The following KPNA7 variants were observed in gnomAD, a reference collection of about 807,000 sequenced individuals.
KPNA7 encodes the protein importin subunit alpha-8.
KPNA7 carries 54 observed loss-of-function variants against 53.7 expected under a neutral mutation model. The observed-to-expected ratio is 1.01, with a 90% CI of 0.81 to 1.26. The LOEUF (loss-of-function observed/expected upper bound fraction) is 1.26, where lower values mean the gene tolerates loss of function less well. Ranked by LOEUF, KPNA7 falls within the 50% of genes most tolerant of loss-of-function variation. KPNA7 has a pLI of 0.00. For synonymous variants in KPNA7, 276 were observed against 259.3 expected, an observed-to-expected ratio of 1.06 and a Z score of -0.62; for missense variants, 640 against 644.5, an observed-to-expected ratio of 0.99 and a Z score of 0.07.
chr7:99,210,777 G>A (rs1252325772), upstream of KPNA7, among the ~76,000 whole-genome samples: 1 of 151,660 alleles, frequency 6.6e-6, no homozygotes, highest in East Asian at 1.9e-4. Context: ...TGTAGAGATG[G>A]GATCTCACTA....
chr7:99,148,762 AATTTTTTTATTTTTTATACACAC>A, the KPNA7 span, among the ~76,000 whole-genome samples: 1 of 151,846 alleles, frequency 6.6e-6, no homozygotes, highest in African/African-American at 2.4e-5. Context: ...TACCTGGCTA[AATTTTTTTATTTTTTATACACAC>A]AGGGTCTCAC....
At chr7:99,149,153 T>C in the KPNA7 span, among the ~76,000 whole-genome samples, 10 of 152,158 alleles carry the variant, frequency 6.6e-5, no homozygotes, top group Non-Finnish European at 1.3e-4. Flanking sequence ...TCCGCCTGCC[T>C]CTGCCTCCCA....
intron 10 of KPNA7, among the ~76,000 whole-genome samples, chr7:99,175,711 G>A (rs553764982): frequency 9.2e-4 from 139 of 150,558 alleles, no homozygotes; most frequent in African/African-American, 3.3e-3. Flanking sequence ...ACAGGGTTTC[G>A]CCATGTTGGC....
At chr7:99,173,080 A>AAG (rs1554459175), downstream of KPNA7, among the ~76,000 whole-genome samples, 750 of 147,934 alleles carry the variant, frequency 5.1e-3, 4 homozygotes, top group Non-Finnish European at 8.0e-3. Context: ...AAAAAAAAAA[A>AAG]AAAAGAAAAA....
downstream of KPNA7, among the ~76,000 whole-genome samples, chr7:99,170,860 G>T (rs190594356): frequency 5.9e-5 from 9 of 152,296 alleles, no homozygotes; most frequent in Admixed American, 5.2e-4. Context: ...AGAAGATAAT[G>T]ATCGATGCTT....
intron 10 of KPNA7, among the ~76,000 whole-genome samples, chr7:99,176,836 C>T (rs549666363): frequency 2.4e-4 from 37 of 152,122 alleles, no homozygotes; most frequent in African/African-American, 7.7e-4. Context: ...GCAACCATTG[C>T]GGCCATTGCC....
chr7:99,196,228 C>T, intron 3 of KPNA7, 62 bp from the exon 4 acceptor site: 1 of 1,142,716 alleles, frequency 8.8e-7, no homozygotes, highest in South Asian at 1.3e-5. Flanking sequence ...ACATCACCTA[C>T]TCTAGCCATC....
At chr7:99,206,258 T>C (rs1402326117) in intron 2 of KPNA7, among the ~76,000 whole-genome samples, 1 of 152,060 alleles carries the variant, frequency 6.6e-6, no homozygotes, top group Non-Finnish European at 1.5e-5. Context: ...CCTCCCAGGT[T>C]CAAGCAGTTC....
intron 9 of KPNA7, among the ~76,000 whole-genome samples, chr7:99,179,340 T>C (rs1414986815): frequency 6.6e-6 from 1 of 151,896 alleles, no homozygotes; most frequent in Non-Finnish European, 1.5e-5. Flanking sequence ...GAGGATCACT[T>C]GAGCCCAGGA....
chr7:99,178,798 A>AG (rs1799028879), intron 9 of KPNA7, among the ~76,000 whole-genome samples: 1 of 142,496 alleles, frequency 7.0e-6, no homozygotes, highest in African/African-American at 2.8e-5. Context: ...AAAAAAAAAA[A>AG]AAAAAAAAGA....
the KPNA7 span, among the ~76,000 whole-genome samples, chr7:99,154,177 G>A: frequency 6.7e-6 from 1 of 149,234 alleles, no homozygotes; most frequent in South Asian, 2.1e-4. Flanking sequence ...CACCCAGGCT[G>A]GAGTGCAGTG....
intron 1 of KPNA7, among the ~76,000 whole-genome samples, chr7:99,217,070 G>T (rs1791236628): frequency 6.6e-6 from 1 of 152,106 alleles, no homozygotes; most frequent in African/African-American, 2.4e-5. Flanking sequence ...TCCAAGAGTT[G>T]GCTTCTACAA....
chr7:99,163,359 G>GTA, the KPNA7 span, among the ~76,000 whole-genome samples: 858 of 66,282 alleles, frequency 0.013, 47 homozygotes, highest in Non-Finnish European at 0.016. Context: ...ATGAGTGTGT[G>GTA]TATATATATA....
At chr7:99,148,986 C>T in the KPNA7 span, among the ~76,000 whole-genome samples, 5 of 150,950 alleles carry the variant, frequency 3.3e-5, no homozygotes, top group Admixed American at 6.7e-5. Flanking sequence ...ACTTCCACCT[C>T]CCAGATTCAA....
chr7:99,154,182 G>A, the KPNA7 span, among the ~76,000 whole-genome samples: 8 of 150,046 alleles, frequency 5.3e-5, no homozygotes, highest in Non-Finnish European at 1.2e-4. Flanking sequence ...AGGCTGGAGT[G>A]CAGTGGCATG....
chr7:99,178,064 C>A lies in KPNA7; in HGVS notation c.1320G>T (p.Ala440=). Residue 440 remains alanine (A), a splice_region_variant and synonymous_variant, in exon 10 of 11, where the codon GCG becomes GCT. Transcript: ENST00000327442. The stretch of plus-strand genomic sequence containing the variant: ...TTTCCTTCTCAGACCGTTTCTCTGC[C>A]GCCTGTGACCAAGTACAAGGGGACA... The part of the protein sequence containing the change: ...ILDVISCILQ[A]AEKRSEKENL... 1 of 1,551,226 alleles carries A rather than the reference C, an allele frequency of 6.4e-7. No individual in the cohort carries two copies. Among genetic ancestry groups the A allele is most frequent in the Non-Finnish European group, 8.7e-7 (1 of 1,146,800 alleles).
intron 6 of KPNA7, among the ~76,000 whole-genome samples, chr7:99,189,277 T>C (rs1181500057): frequency 6.6e-6 from 1 of 152,020 alleles, no homozygotes; most frequent in Non-Finnish European, 1.5e-5. Context: ...TCCCATCCCT[T>C]TTGGCCTTTT....
chr7:99,178,031 A>C lies in KPNA7; in HGVS notation c.1353T>G (p.Cys451Trp), dbSNP rs750134680. Residue 451 changes from cysteine to tryptophan, a missense_variant, in exon 10 of 11, where the codon TGT becomes TGG. Transcript: ENST00000327442. ...AEKRSEKENL[C>W]LLIEELGGID... is the part of the protein sequence containing the mutation. ...TCCCACCAAGTTCTTCTATCAGAAGACACAGGTTTTCCTTCTCAGACCGTT... is the reference window on the plus strand; with the variant it reads ...TCCCACCAAGTTCTTCTATCAGAAGCCACAGGTTTTCCTTCTCAGACCGTT... 262 of 1,551,520 alleles carry C rather than the reference A, an allele frequency of 1.7e-4. No homozygotes were observed. Among genetic ancestry groups the C allele is most frequent in the Non-Finnish European group, 2.2e-4 (252 of 1,146,994 alleles).
At chr7:99,157,503 C>T in the KPNA7 span, among the ~76,000 whole-genome samples, 2 of 152,182 alleles carry the variant, frequency 1.3e-5, no homozygotes, top group Non-Finnish European at 2.9e-5. Flanking sequence ...GCCACTGCGC[C>T]CAGCCCCGAT....
Sources: allele counts gnomAD v4.1 joint callset (sites outside exome capture counted in the v4.1 genomes callset), GRCh38; gene constraint gnomAD v4.1.1; transcripts MANE v1.5; gene names NCBI Gene and HGNC (gene_info 2026-07-23, HGNC 2026-07-21).